Variants in LITAF observed in about 807,000 individuals in gnomAD.
The protein encoded by LITAF is lipopolysaccharide induced TNF factor, also known as lipopolysaccharide-induced tumor necrosis factor-alpha factor.
In LITAF, 9 loss-of-function variants were observed where a neutral mutation model predicts 14.5. The ratio of observed to expected loss-of-function variants is 0.62; its 90% CI spans 0.37 to 1.08. The LOEUF is 1.08. Ranked by LOEUF, LITAF falls within the 50% of genes least tolerant of loss-of-function variation. LITAF has a pLI of 0.01. For missense variants in LITAF, 206 were observed against 213.4 expected, an observed-to-expected ratio of 0.97 and a Z score of 0.22; for synonymous variants, 98 against 88.2, an observed-to-expected ratio of 1.11 and a Z score of -0.62.
chr16:11,556,725 C>T lies in LITAF; in HGVS notation c.6G>A (p.Ser2=), dbSNP rs147187481. The T allele has an allele frequency of 9.5e-5, 154 of 1,613,832 alleles. No homozygotes were observed. The African/African-American group carries it at 1.5e-3, about 16-fold the overall frequency. M[S]VPGPYQAATG... ...TGGCCGCCTGGTAAGGTCCTGGAAC[C>T]GACATTTTACCTAAAACAGAAACAG... The change falls in exon 2 of 4, where the codon TCG becomes TCA. Residue 2 remains serine, a synonymous_variant. Coordinates refer to ENST00000622633, the MANE Select transcript of LITAF (RefSeq NM_001136472.2).
At chr16:11,638,477 C>A (rs12708733), upstream of LITAF, among the ~76,000 whole-genome samples, 45,007 of 151,480 alleles carry the variant, frequency 0.3, 6,984 homozygotes, top group African/African-American at 0.38. Flanking sequence ...CCGAGGCAGG[C>A]GCATCACGAG....
At chr16:11,603,922 C>A (rs1458425996) in intron 3 of LITAF, among the ~76,000 whole-genome samples, 1 of 152,138 alleles carries the variant, frequency 6.6e-6, no homozygotes, top group African/African-American at 2.4e-5. Context: ...TGGCGGGCGC[C>A]TGTAGTCCCA....
intron 3 of LITAF, among the ~76,000 whole-genome samples, chr16:11,552,361 T>G (rs1253178181): frequency 6.7e-6 from 1 of 150,110 alleles, no homozygotes; most frequent in East Asian, 1.9e-4. Flanking sequence ...ACATAATACC[T>G]TTGGTGCAGA....
Position 11,572,313 on chromosome 16 carries a change from C to A in LITAF, c.-6+14573G>T, listed in dbSNP as rs562950838. Among the ~76,000 whole-genome samples the A allele has an allele frequency of 3.9e-5, 6 of 152,064 alleles. No individual in the cohort carries two copies. The East Asian group carries it at 1.2e-3, about 29-fold the overall frequency. ...TCAACCTCAAACGCATCAAGCTGACCACAGCCCTCCCCTAGACAACACCCC... is the reference window on the plus strand; with the variant it reads ...TCAACCTCAAACGCATCAAGCTGACAACAGCCCTCCCCTAGACAACACCCC... On this transcript the variant is annotated intron_variant, in intron 1 of 3. Transcript: ENST00000622633.
upstream of LITAF, among the ~76,000 whole-genome samples, chr16:11,601,300 C>G (rs1233732392): frequency 3.9e-5 from 6 of 152,022 alleles, no homozygotes; most frequent in African/African-American, 7.3e-5. Flanking sequence ...CCACCCAACC[C>G]CATTCCACTG....
chr16:11,557,364 TG>T (rs2064291171), intron 1 of LITAF, among the ~76,000 whole-genome samples: 1 of 152,212 alleles, frequency 6.6e-6, no homozygotes, highest in African/African-American at 2.4e-5. Context: ...ACCTGGGGGC[TG>T]GTTACAGAGG....
chr16:11,599,239 C>T (rs771618452), upstream of LITAF, among the ~76,000 whole-genome samples: 1 of 151,880 alleles, frequency 6.6e-6, no homozygotes, highest in Non-Finnish European at 1.5e-5. Flanking sequence ...CTGCCTCAGC[C>T]TCTGGGTAGC....
intron 1 of LITAF, among the ~76,000 whole-genome samples, chr16:11,568,721 C>T (rs1036873386): frequency 1.4e-5 from 2 of 141,480 alleles, no homozygotes; most frequent in African/African-American, 5.2e-5. Context: ...ATTCTGTTGC[C>T]CAGGCTGGAA....
At chr16:11,601,852 G>A (rs985791972), upstream of LITAF, among the ~76,000 whole-genome samples, 14 of 152,296 alleles carry the variant, frequency 9.2e-5, no homozygotes, top group African/African-American at 3.4e-4. Context: ...GAGCCACCCT[G>A]CCTGGCCTGT....
At chr16:11,572,731 T>TACA (rs1333103731) in intron 1 of LITAF, among the ~76,000 whole-genome samples, 1 of 152,108 alleles carries the variant, frequency 6.6e-6, no homozygotes, top group African/African-American at 2.4e-5. Flanking sequence ...GACAACTGAA[T>TACA]ACAACGTAGA....
chr16:11,596,116 T>G (rs150913859), intron 1 of LITAF, among the ~76,000 whole-genome samples: 2 of 152,132 alleles, frequency 1.3e-5, no homozygotes, highest in Non-Finnish European at 2.9e-5. Flanking sequence ...TCCCAAGCAC[T>G]GTAATTAATG....
chr16:11,629,764 A>T (rs564978587), intron 3 of LITAF, among the ~76,000 whole-genome samples: 7 of 152,106 alleles, frequency 4.6e-5, no homozygotes, highest in Non-Finnish European at 8.8e-5. Context: ...GTTTCGAATC[A>T]TGATTCTGGG....
rs1198541217 is a variant in LITAF, at chr16:11,548,121, C to A, written c.*1516G>T. 1 of 454,108 alleles carries A rather than the reference C, an allele frequency of 2.2e-6. No homozygotes were observed. The highest frequency in any genetic ancestry group is 1.6e-5 in the South Asian group (1 of 64,480). The allele number at this position is 454,108 out of a possible 1,614,324, so 28.1% of individuals were successfully genotyped here. On this transcript the variant is annotated 3_prime_UTR_variant, in exon 4 of 4. Coordinates refer to ENST00000622633, the MANE Select transcript of LITAF (RefSeq NM_001136472.2). ...TTCCAAACATCAAATGAAGGGGGAT[C>A]AATGGTTACCACTATCGTTTTCAAC... is the stretch of plus-strand genomic sequence containing the variant.
intron 3 of LITAF, among the ~76,000 whole-genome samples, chr16:11,615,838 TG>T (rs2065016280): frequency 1.3e-5 from 2 of 152,104 alleles, no homozygotes; most frequent in African/African-American, 4.8e-5. Flanking sequence ...CGTATGCTAA[TG>T]GGATGACTCA....
chr16:11,564,619 T>C (rs2064423323), intron 1 of LITAF, among the ~76,000 whole-genome samples: 1 of 151,706 alleles, frequency 6.6e-6, no homozygotes. Flanking sequence ...AGCCTCACCC[T>C]GGGAAAACCA....
Position 11,556,874 on chromosome 16 carries a change from GA to G in LITAF, c.-5-140del, listed in dbSNP as rs2064279182. 1.0e-5 allele frequency: 8 copies of G among 775,942 alleles called. No individual in the cohort carries two copies. In the Admixed American group the frequency reaches 1.6e-4, roughly 16 times the overall value. The allele number at this position is 775,942 out of a possible 1,614,324, so 48.1% of individuals were successfully genotyped here. A position where few individuals can be genotyped will look rare whatever the true frequency, so the allele number is the denominator to read the frequency against. On this transcript the variant is annotated intron_variant, in intron 1 of 3. Transcript: ENST00000622633. Reference sequence around the variant, plus strand: ...CCATCCAGCTTTGTCCAAAAGCTAGGAAGAGGGTTAATGTCCCTTCAAGACC... The same window carrying G: ...CCATCCAGCTTTGTCCAAAAGCTAGGAGAGGGTTAATGTCCCTTCAAGACC...
intron 1 of LITAF, among the ~76,000 whole-genome samples, chr16:11,595,959 A>T (rs2064882134): frequency 6.6e-6 from 1 of 152,076 alleles, no homozygotes; most frequent in Non-Finnish European, 1.5e-5. Context: ...TCCATCTAGT[A>T]GTGCTCCCCG....
At chr16:11,603,888 CA>C (rs553489653) in intron 3 of LITAF, among the ~76,000 whole-genome samples, 4 of 150,756 alleles carry the variant, frequency 2.7e-5, no homozygotes, top group African/African-American at 7.3e-5. Context: ...ACTAAAAATA[CA>C]AAAAAAAATT....
Position 11,553,568 on chromosome 16 carries a change from C to T in LITAF, c.342G>A (p.Leu114=). ...VSQLSYNAGA[L]TWLSCGSLCL... Reference sequence around the variant, plus strand: ...ACAGGCTCCCGCAGGACAGCCAGGTCAGAGCACCGGCGTTATAGGACAGCT... The same window carrying T: ...ACAGGCTCCCGCAGGACAGCCAGGTTAGAGCACCGGCGTTATAGGACAGCT... The change falls in exon 3 of 4, where the codon CTG becomes CTA. Residue 114 remains leucine, a synonymous_variant. Transcript: ENST00000622633. The surrounding 1 kb of genome is among the most constrained non-coding windows in gnomAD (Gnocchi z 7.7). 2 of 1,614,112 alleles carry T rather than the reference C, an allele frequency of 1.2e-6. No homozygotes were observed. The highest frequency in any genetic ancestry group is 1.7e-6 in the Non-Finnish European group (2 of 1,180,020).
Sources: gnomAD v4.1 joint callset for allele counts (sites outside exome capture counted in the v4.1 genomes callset) on GRCh38, gnomAD v4.1.1 for gene constraint, Gnocchi (gnomAD v3.1) non-coding constraint, MANE v1.5 for transcripts, NCBI Gene and HGNC (gene_info 2026-07-23, HGNC 2026-07-21) for gene names.